The following SREK1IP1 variants were observed in gnomAD, a reference collection of about 807,000 sequenced individuals.
The protein encoded by SREK1IP1 is SREK1 interacting protein 1.
A neutral mutation model predicts 22.8 loss-of-function variants in SREK1IP1; 12 were observed. The observed-to-expected ratio is 0.53, with a 90% CI of 0.34 to 0.85. The LOEUF (loss-of-function observed/expected upper bound fraction) is 0.85. Among genes scored for constraint, SREK1IP1 ranks in the 40% least tolerant of loss-of-function variants. The pLI, the probability that SREK1IP1 is intolerant of heterozygous loss-of-function variation, is 0.02. For missense variants in SREK1IP1, 147 were observed against 171.8 expected (o/e 0.86, Z 0.81); for synonymous variants, 53 against 52.7 (o/e 1.01, Z -0.02).
intron 3 of SREK1IP1, among the ~76,000 whole-genome samples, chr5:64,736,484 T>TG (rs1742464312): frequency 6.6e-6 from 1 of 151,292 alleles, no homozygotes; most frequent in South Asian, 2.1e-4. Flanking sequence ...TTTTTTGAGA[T>TG]GGAGTTTCAC....
Position 64,734,715 on chromosome 5 carries a change from T to C in SREK1IP1, c.205+6342A>G, listed in dbSNP as rs560191419. ...TGTAAAATTTTAACTTGATTGTTCA[T>C]TGCCAGTGTACAGAAATACAATTGA... On this transcript the variant is annotated intron_variant, in intron 3 of 4. Transcript: ENST00000513458. Among the ~76,000 whole-genome samples, 4 of 152,152 alleles carry C rather than the reference T, an allele frequency of 2.6e-5. No individual in the cohort carries two copies. The East Asian group carries it at 5.8e-4, about 22-fold the overall frequency.
chr5:64,764,453 A>G (rs536517287), intron 1 of SREK1IP1, among the ~76,000 whole-genome samples: 2 of 152,350 alleles, frequency 1.3e-5, no homozygotes, highest in African/African-American at 4.8e-5. Context: ...AGCACTTGAG[A>G]GGTTCACAGA....
chr5:64,763,247 G>A (rs1742981690), intron 1 of SREK1IP1, among the ~76,000 whole-genome samples: 2 of 151,884 alleles, frequency 1.3e-5, no homozygotes, highest in Admixed American at 6.6e-5. Context: ...GGTGTAAGAA[G>A]AGACAGAGAG....
Position 64,722,730 on chromosome 5 carries a change from C to T in SREK1IP1, c.*1654G>A, listed in dbSNP as rs892512922. On this transcript the variant is annotated 3_prime_UTR_variant, in exon 5 of 5. Transcript: ENST00000513458. ...ATTTCCTTTTGAGAGGCCCAAATGA[C>T]TAAATTAGGTTATGGAAGGGTTGAA... 1.3e-5 allele frequency: 2 copies of T among 152,154 alleles called. No individual in the cohort carries two copies. Among genetic ancestry groups the T allele is most frequent in the Admixed American group, 1.3e-4 (2 of 15,272 alleles). 9.4% of individuals were successfully genotyped at this position (152,154 alleles called of 1,614,324 possible). A position where few individuals can be genotyped will look rare whatever the true frequency, so the allele number is the denominator to read the frequency against.
At chr5:64,760,239 G>A (rs1742924264) in intron 1 of SREK1IP1, among the ~76,000 whole-genome samples, 1 of 152,210 alleles carries the variant, frequency 6.6e-6, no homozygotes, top group African/African-American at 2.4e-5. Context: ...ATAAAAAAAA[G>A]AAGATGATAG....
At position 64,721,790 on chromosome 5, in the gene SREK1IP1, A is replaced by C. The variant is rs989549612; in HGVS notation, c.*2594T>G. The C allele has an allele frequency of 1.3e-5, 2 of 152,214 alleles. No homozygotes were observed. Among genetic ancestry groups the C allele is most frequent in the Non-Finnish European group, 2.9e-5 (2 of 68,036 alleles). 9.4% of individuals were successfully genotyped at this position (152,214 alleles called of 1,614,324 possible). ...ACGTGTTTATTATATTAATAAATTC[A>C]ACCTTTACTATTATAGAATGTTATA... is the stretch of plus-strand genomic sequence containing the variant. On this transcript the variant is annotated 3_prime_UTR_variant, in exon 5 of 5. Transcript: ENST00000513458.
intron 3 of SREK1IP1, among the ~76,000 whole-genome samples, chr5:64,735,963 G>A (rs1394654402): frequency 6.6e-6 from 1 of 152,084 alleles, no homozygotes; most frequent in African/African-American, 2.4e-5. Flanking sequence ...ATAGATTTGA[G>A]ACATTTCTTC....
At chr5:64,728,344 C>A (rs1223987812) in intron 3 of SREK1IP1, among the ~76,000 whole-genome samples, 165 bp from the exon 4 acceptor site, 3 of 151,932 alleles carry the variant, frequency 2.0e-5, no homozygotes, top group African/African-American at 7.3e-5. Flanking sequence ...CATTAAAAAA[C>A]TCATAAAAGT....
At chr5:64,736,678 G>T (rs1400193157) in intron 3 of SREK1IP1, among the ~76,000 whole-genome samples, 1 of 151,964 alleles carries the variant, frequency 6.6e-6, no homozygotes, top group Non-Finnish European at 1.5e-5. Context: ...GACCAGGCTG[G>T]TCTTGAACTC....
intron 2 of SREK1IP1, among the ~76,000 whole-genome samples, chr5:64,750,438 T>C (rs1161886571): frequency 1.3e-5 from 2 of 152,198 alleles, no homozygotes; most frequent in South Asian, 4.1e-4. Context: ...CAAATGAATC[T>C]GACTCAAAGT....
intron 2 of SREK1IP1, among the ~76,000 whole-genome samples, chr5:64,749,473 G>C (rs1742704839): frequency 1.3e-5 from 2 of 149,632 alleles, no homozygotes; most frequent in African/African-American, 5.0e-5. Context: ...GTCTGGCTCT[G>C]TTACCCAGGC....
In SREK1IP1 at chr5:64,728,130, G is replaced by A. The variant is rs1223105311; in HGVS notation, c.255C>T (p.Ile85=). The change falls in exon 4 of 5, where the codon ATC becomes ATT. Residue 85 remains isoleucine (I), a synonymous_variant. Coordinates refer to ENST00000513458, the MANE Select transcript of SREK1IP1 (RefSeq NM_173829.4). The part of the protein sequence containing the change: ...EKKKEKSKEK[I]KLKKKRKRSY... Reference sequence around the variant, plus strand: ...ACCTTTTCCTTTTTTTTTTCAATTTGATTTTTTCTTTGCTTTTTTCTTTCT... The same window carrying A: ...ACCTTTTCCTTTTTTTTTTCAATTTAATTTTTTCTTTGCTTTTTTCTTTCT... 1 of 1,386,276 alleles carries A rather than the reference G, an allele frequency of 7.2e-7. No individual in the cohort carries two copies. Among genetic ancestry groups the A allele is most frequent in the Middle Eastern group, 2.3e-4 (1 of 4,320 alleles). The allele number at this position is 1,386,276 out of a possible 1,614,324, so 85.9% of individuals were successfully genotyped here.
chr5:64,736,361 T>A (rs1580542154), intron 3 of SREK1IP1, among the ~76,000 whole-genome samples: 1 of 152,204 alleles, frequency 6.6e-6, no homozygotes, highest in South Asian at 2.1e-4. Context: ...GGTGTTGAGA[T>A]CGCTGGCTAT....
intron 3 of SREK1IP1, among the ~76,000 whole-genome samples, chr5:64,736,080 A>T (rs1455593867): frequency 1.3e-5 from 2 of 152,064 alleles, no homozygotes; most frequent in African/African-American, 4.8e-5. Context: ...ATTACCTTCT[A>T]ATTTTCTTTT....
chr5:64,737,139 A>G (rs976647913), intron 3 of SREK1IP1, among the ~76,000 whole-genome samples: 4 of 152,158 alleles, frequency 2.6e-5, no homozygotes, highest in African/African-American at 9.7e-5. Flanking sequence ...AGCAGAATAC[A>G]TTCTTCTCAA....
chr5:64,732,910 T>A (rs1390478051), intron 3 of SREK1IP1, among the ~76,000 whole-genome samples: 1 of 150,650 alleles, frequency 6.6e-6, no homozygotes, highest in African/African-American at 2.4e-5. Flanking sequence ...AACCAACTGA[T>A]TTTTTGGGGA....
chr5:64,725,826 C>T (rs1367038499), intron 4 of SREK1IP1, among the ~76,000 whole-genome samples: 1 of 141,814 alleles, frequency 7.1e-6, no homozygotes, highest in Non-Finnish European at 1.6e-5. Context: ...TTTTCTTTAG[C>T]TTTTTGGTCC....
chr5:64,728,391 C>G (rs1183269551), intron 3 of SREK1IP1, among the ~76,000 whole-genome samples: 2 of 151,992 alleles, frequency 1.3e-5, no homozygotes, highest in African/African-American at 4.8e-5. Flanking sequence ...AATACTAAGT[C>G]CATCAAGTAA....
intron 1 of SREK1IP1, among the ~76,000 whole-genome samples, chr5:64,763,595 A>G (rs903939853): frequency 6.6e-6 from 1 of 152,202 alleles, no homozygotes; most frequent in Non-Finnish European, 1.5e-5. Context: ...GTTTAAGAAG[A>G]GACAGAAATT....
Sources: allele counts gnomAD v4.1 joint callset (sites outside exome capture counted in the v4.1 genomes callset), GRCh38; gene constraint gnomAD v4.1.1; transcripts MANE v1.5; gene names NCBI Gene and HGNC (gene_info 2026-07-23, HGNC 2026-07-21).